The following FAM114A1 variants were observed in gnomAD, a reference collection of about 807,000 sequenced individuals.
FAM114A1 encodes family with sequence similarity 114 member A1, also known as protein NOXP20.
In FAM114A1, 62 loss-of-function variants were observed where a neutral mutation model predicts 64.3. That is an observed-to-expected ratio of 0.96 (90% confidence interval 0.79 to 1.19). The LOEUF is 1.19. FAM114A1 is among the 50% of genes most tolerant of loss of function. The pLI is 0.00. For synonymous variants in FAM114A1, 254 were observed against 251.1 expected, an observed-to-expected ratio of 1.01 and a Z score of -0.11; for missense variants, 645 against 676.3, an observed-to-expected ratio of 0.95 and a Z score of 0.51.
intron 7 of FAM114A1, among the ~76,000 whole-genome samples, chr4:38,909,724 C>T (rs16994924): frequency 0.11 from 16,016 of 152,186 alleles, 2,353 homozygotes; most frequent in African/African-American, 0.33. Flanking sequence ...ATTTTGTAAA[C>T]GTCACAGGCA....
chr4:38,898,620 G>T (rs1173596590), intron 4 of FAM114A1, among the ~76,000 whole-genome samples: 3 of 152,104 alleles, frequency 2.0e-5, no homozygotes, highest in Non-Finnish European at 4.4e-5. Context: ...ATGAGTTTCT[G>T]TTGGACTTCT....
chr4:38,920,687 A>G (rs374372178), intron 8 of FAM114A1, among the ~76,000 whole-genome samples: 1 of 152,338 alleles, frequency 6.6e-6, no homozygotes, highest in East Asian at 1.9e-4. Context: ...TGGTATTCAA[A>G]CACATTTATT....
chr4:38,898,544 G>C (rs1315015016), intron 4 of FAM114A1, among the ~76,000 whole-genome samples: 1 of 152,212 alleles, frequency 6.6e-6, no homozygotes, highest in Non-Finnish European at 1.5e-5. Context: ...GAGACAAAGA[G>C]AATAGGAATA....
At chr4:38,934,268 C>T (rs940157014) in intron 12 of FAM114A1, among the ~76,000 whole-genome samples, 16 of 152,090 alleles carry the variant, frequency 1.1e-4, no homozygotes, top group African/African-American at 3.9e-4. Flanking sequence ...CTGACCTTAC[C>T]AAGCTGCACC....
intron 4 of FAM114A1, among the ~76,000 whole-genome samples, chr4:38,899,025 T>TTA (rs200609973): frequency 0.21 from 27,169 of 130,438 alleles, 3,561 homozygotes; most frequent in Non-Finnish European, 0.29. Context: ...CATATATATG[T>TTA]TATATATATA....
intron 2 of FAM114A1, among the ~76,000 whole-genome samples, chr4:38,870,917 T>C (rs1041370031): frequency 2.6e-5 from 4 of 152,080 alleles, no homozygotes; most frequent in Admixed American, 1.3e-4. Flanking sequence ...CATGATAGCA[T>C]CCACAGTCGA....
At chr4:38,891,898 G>C (rs1053099726) in intron 4 of FAM114A1, 68 bp downstream of exon 4, 2 of 1,418,912 alleles carry the variant, frequency 1.4e-6, no homozygotes, top group African/African-American at 2.9e-5. Context: ...CGTTTTGATC[G>C]TACTGTATAC....
intron 3 of FAM114A1, among the ~76,000 whole-genome samples, chr4:38,889,061 T>C (rs1431343933): frequency 1.3e-5 from 2 of 152,234 alleles, no homozygotes; most frequent in African/African-American, 2.4e-5. Flanking sequence ...TAGTCACTTA[T>C]TATACAGCAA....
At chr4:38,942,377 G>A (rs36086292) in intron 14 of FAM114A1, among the ~76,000 whole-genome samples, 1 of 152,144 alleles carries the variant, frequency 6.6e-6, no homozygotes, top group African/African-American at 2.4e-5. Flanking sequence ...TCAGCCAGAA[G>A]GAATAGGAGC....
chr4:38,881,201 CAA>C (rs34293468), intron 3 of FAM114A1, among the ~76,000 whole-genome samples: 2 of 137,068 alleles, frequency 1.5e-5, no homozygotes, highest in Non-Finnish European at 3.2e-5. Context: ...GACTCTGTCT[CAA>C]AAAAAAAAAA....
At chr4:38,868,031 A>AGG (rs1259453348) in intron 1 of FAM114A1, 197 bp downstream of exon 1, 5 of 425,022 alleles carry the variant, frequency 1.2e-5, no homozygotes, top group Admixed American at 4.8e-5. Context: ...GGCGCGGCCG[A>AGG]GGGACCTGCG....
At chr4:38,916,657 C>T (rs1719080110) in intron 8 of FAM114A1, among the ~76,000 whole-genome samples, 1 of 151,880 alleles carries the variant, frequency 6.6e-6, no homozygotes, top group South Asian at 2.1e-4. Context: ...CGAGGCCTGT[C>T]GGGGGTAGGG....
At chr4:38,920,102 A>G (rs1245586510) in intron 8 of FAM114A1, among the ~76,000 whole-genome samples, 2 of 151,900 alleles carry the variant, frequency 1.3e-5, no homozygotes, top group Non-Finnish European at 2.9e-5. Flanking sequence ...CCAGCTACTC[A>G]GGAGACAGGC....
Position 38,914,740 on chromosome 4 carries a change from G to A in FAM114A1, c.793-181G>A. 6 of 608,920 alleles carry A rather than the reference G, an allele frequency of 9.9e-6. No individual in the cohort carries two copies. The South Asian group carries it at 1.8e-4, about 19-fold the overall frequency. The allele number at this position is 608,920 out of a possible 1,614,324, so 37.7% of individuals were successfully genotyped here. A position where few individuals can be genotyped will look rare whatever the true frequency, so the allele number is the denominator to read the frequency against. Reference sequence around the variant, plus strand: ...AATGAACATGTAAAATGTGAAGTAGGATATGATGTAAAAGTTATCAATAGG... The same window carrying A: ...AATGAACATGTAAAATGTGAAGTAGAATATGATGTAAAAGTTATCAATAGG... On this transcript the variant is annotated intron_variant, in intron 7 of 14. Transcript: ENST00000358869.
At chr4:38,908,305 G>A (rs1025449540) in intron 6 of FAM114A1, among the ~76,000 whole-genome samples, 3 of 151,870 alleles carry the variant, frequency 2.0e-5, no homozygotes, top group Non-Finnish European at 2.9e-5. Context: ...TACACAGAGA[G>A]CCAGTAAAAT....
chr4:38,931,713 G>A, intron 11 of FAM114A1, 101 bp downstream of exon 11: 2 of 1,263,760 alleles, frequency 1.6e-6, no homozygotes, highest in South Asian at 3.3e-5. Flanking sequence ...TTTTTCATTT[G>A]TTCCGTGTTA....
At chr4:38,916,366 A>G (rs1036786008) in intron 8 of FAM114A1, among the ~76,000 whole-genome samples, 1 of 152,214 alleles carries the variant, frequency 6.6e-6, no homozygotes, top group African/African-American at 2.4e-5. Context: ...TAGCTCATTA[A>G]TTAATTCAGG....
intron 7 of FAM114A1, among the ~76,000 whole-genome samples, chr4:38,912,846 C>T (rs1366930347): frequency 6.6e-6 from 1 of 152,186 alleles, no homozygotes; most frequent in Non-Finnish European, 1.5e-5. Flanking sequence ...TATTTTACCA[C>T]CACCAAGTCC....
chr4:38,899,382 T>C (rs1451589340), intron 4 of FAM114A1, among the ~76,000 whole-genome samples: 2 of 152,146 alleles, frequency 1.3e-5, no homozygotes, highest in African/African-American at 4.8e-5. Flanking sequence ...CCAGTCACTA[T>C]AGTATAGTCT....
Sources: gnomAD v4.1 joint callset for allele counts (sites outside exome capture counted in the v4.1 genomes callset) on GRCh38, gnomAD v4.1.1 for gene constraint, MANE v1.5 for transcripts, NCBI Gene and HGNC (gene_info 2026-07-23, HGNC 2026-07-21) for gene names.